KIAA0513: variants seen among roughly 807,000 people sequenced by gnomAD.
The protein encoded by KIAA0513 is KIAA0513, also known as uncharacterized protein KIAA0513.
In KIAA0513, 39 loss-of-function variants were observed where a neutral mutation model predicts 56.5. That is an observed-to-expected ratio of 0.69 (90% confidence interval 0.53 to 0.90). The LOEUF is 0.90. Among genes scored for constraint, KIAA0513 ranks in the 40% least tolerant of loss-of-function variants. The pLI, the probability that KIAA0513 is intolerant of heterozygous loss-of-function variation, is 0.00. For missense variants in KIAA0513, 591 were observed against 535.2 expected (o/e 1.10, Z -1.03); for synonymous variants, 268 against 215.6 (o/e 1.24, Z -2.13).
At chr16:85,047,306 A>G (rs543352971) in intron 1 of KIAA0513, among the ~76,000 whole-genome samples, 2 of 152,306 alleles carry the variant, frequency 1.3e-5, no homozygotes, top group East Asian at 3.9e-4. Flanking sequence ...GGCTGAGCCC[A>G]GGAGCTCGTA....
At chr16:85,074,342 A>G (rs1341136385) in intron 4 of KIAA0513, among the ~76,000 whole-genome samples, 1 of 121,718 alleles carries the variant, frequency 8.2e-6, no homozygotes, top group Non-Finnish European at 1.8e-5. Flanking sequence ...ATATACACAC[A>G]TACACACACA....
At position 85,081,386 on chromosome 16, in the gene KIAA0513, C is replaced by T; in HGVS notation, c.974C>T (p.Thr325Ile). The change falls in exon 9 of 13, where the codon ACT (threonine) becomes ATT (isoleucine). Residue 325 changes from threonine (T) to isoleucine (I), a missense_variant. Physicochemically the swap from Thr to Ile is moderately conservative, Grantham distance 89. Transcript: ENST00000683363. This position sits in a 1 kb window ranked among gnomAD's most constrained non-coding sequence, Gnocchi z 4.4. Reference sequence around the variant, plus strand: ...TGTGAGAGGACAAAGCGATCTCCCACTACCAGGTAGGAGCAAAGTGTGGCC... The same window carrying T: ...TGTGAGAGGACAAAGCGATCTCCCATTACCAGGTAGGAGCAAAGTGTGGCC... ...VHCERTKRSP[T>I]TRGDAGEEEE... 1 of 1,565,264 alleles carries T rather than the reference C, an allele frequency of 6.4e-7. No individual in the cohort carries two copies. Among genetic ancestry groups the T allele is most frequent in the Admixed American group, 1.9e-5 (1 of 52,688 alleles).
intron 8 of KIAA0513, among the ~76,000 whole-genome samples, chr16:85,080,733 C>T (rs2073731180): frequency 6.6e-6 from 1 of 152,202 alleles, no homozygotes; most frequent in South Asian, 2.1e-4. Flanking sequence ...GCAGAGGTTG[C>T]AGTGAGCCGA....
At chr16:85,087,406 A>G (rs1325627602) in intron 12 of KIAA0513, among the ~76,000 whole-genome samples, 1 of 152,204 alleles carries the variant, frequency 6.6e-6, no homozygotes, top group African/African-American at 2.4e-5. Flanking sequence ...CATTGGGGCC[A>G]TAGCCTGGGT....
intron 1 of KIAA0513, among the ~76,000 whole-genome samples, chr16:85,062,026 C>G (rs1354613696): frequency 6.6e-6 from 1 of 152,142 alleles, no homozygotes; most frequent in East Asian, 1.9e-4. Context: ...CTGGTTCTCC[C>G]TCTTTCCATC....
chr16:85,069,021 G>A (rs2073532121), intron 2 of KIAA0513, among the ~76,000 whole-genome samples: 1 of 151,978 alleles, frequency 6.6e-6, no homozygotes, highest in African/African-American at 2.4e-5. Flanking sequence ...ATACTGGTGT[G>A]CTCATAAGGA....
At chr16:85,050,031 G>A (rs1028869463) in intron 1 of KIAA0513, among the ~76,000 whole-genome samples, 5 of 152,144 alleles carry the variant, frequency 3.3e-5, no homozygotes, top group African/African-American at 1.2e-4. Flanking sequence ...AGTACAGCCC[G>A]TCACCCAGGG....
intron 2 of KIAA0513, among the ~76,000 whole-genome samples, chr16:85,070,236 G>A (rs2073553138): frequency 6.6e-6 from 1 of 151,710 alleles, no homozygotes; most frequent in Admixed American, 6.6e-5. Context: ...TGTTTCCACC[G>A]TGATTTGAGT....
At chr16:85,053,387 G>T (rs2073282207) in intron 1 of KIAA0513, among the ~76,000 whole-genome samples, 1 of 152,200 alleles carries the variant, frequency 6.6e-6, no homozygotes, top group Non-Finnish European at 1.5e-5. Flanking sequence ...TCTCGATTGT[G>T]TCATTCTGTA....
chr16:85,046,745 A>T (rs1439202493), intron 1 of KIAA0513, among the ~76,000 whole-genome samples: 1 of 152,080 alleles, frequency 6.6e-6, no homozygotes, highest in Non-Finnish European at 1.5e-5. Flanking sequence ...GGGTTTTTAC[A>T]ATTTCAGTTA....
In KIAA0513 at chr16:85,089,648, C is replaced by T. The variant is rs1357472731; in HGVS notation, c.*1323C>T. On this transcript the variant is annotated 3_prime_UTR_variant, in exon 13 of 13. Coordinates refer to ENST00000683363, the MANE Select transcript of KIAA0513 (RefSeq NM_001388359.1). This position sits in a 1 kb window ranked among gnomAD's most constrained non-coding sequence, Gnocchi z 4.2. ...ATAGGCCCGCGGGGCTCTCCCTCCT[C>T]CTGCCATCCTCCCCTCCCGCCCTTC... 2 of 152,604 alleles carry T rather than the reference C, an allele frequency of 1.3e-5. No individual in the cohort carries two copies. Among genetic ancestry groups the T allele is most frequent in the African/African-American group, 4.8e-5 (2 of 41,456 alleles). The allele number at this position is 152,604 out of a possible 1,614,324, so 9.5% of individuals were successfully genotyped here. A position where few individuals can be genotyped will look rare whatever the true frequency, so the allele number is the denominator to read the frequency against.
At chr16:85,046,303 C>T (rs2073170525) in intron 1 of KIAA0513, among the ~76,000 whole-genome samples, 1 of 152,166 alleles carries the variant, frequency 6.6e-6, no homozygotes, top group African/African-American at 2.4e-5. Flanking sequence ...TCTTACCTAA[C>T]CTGGAGTGCT....
intron 2 of KIAA0513, among the ~76,000 whole-genome samples, 181 bp downstream of exon 2, chr16:85,067,581 C>T (rs190582614): frequency 5.3e-5 from 8 of 152,274 alleles, no homozygotes; most frequent in African/African-American, 1.7e-4. Flanking sequence ...TGCAGAGCCA[C>T]GTGGAGAACT....
chr16:85,064,820 G>A (rs1363971730), intron 1 of KIAA0513, among the ~76,000 whole-genome samples: 1 of 152,108 alleles, frequency 6.6e-6, no homozygotes, highest in East Asian at 1.9e-4. Flanking sequence ...TGAGTAGCTG[G>A]ATTACAGGCA....
chr16:85,072,714 G>C (rs1300930198), intron 3 of KIAA0513, among the ~76,000 whole-genome samples: 1 of 152,208 alleles, frequency 6.6e-6, no homozygotes, highest in African/African-American at 2.4e-5. Flanking sequence ...ACCCCTGCAT[G>C]TGCCCTGCCC....
chr16:85,093,135 GGTGTCTCTAGCCTGCAGA>G lies in KIAA0513; in HGVS notation c.*4814_*4831del, dbSNP rs1468940383. The G allele has an allele frequency of 6.6e-6, 1 of 152,292 alleles. No homozygotes were observed. The highest frequency in any genetic ancestry group is 1.5e-5 in the Non-Finnish European group (1 of 68,138). 9.4% of individuals were successfully genotyped at this position (152,292 alleles called of 1,614,324 possible). A position where few individuals can be genotyped will look rare whatever the true frequency, so the allele number is the denominator to read the frequency against. Reference sequence around the variant, plus strand: ...GCTGGCAAGGGATTGGGTTTGTGTGGGTGTCTCTAGCCTGCAGAGTGCAGTGAGTGAGAGTCCTTGGGA... The same window carrying G: ...GCTGGCAAGGGATTGGGTTTGTGTGGGTGCAGTGAGTGAGAGTCCTTGGGA... On this transcript the variant is annotated 3_prime_UTR_variant, in exon 13 of 13. Coordinates refer to ENST00000683363, the MANE Select transcript of KIAA0513 (RefSeq NM_001388359.1).
At chr16:85,043,761 G>A (rs558853946) in intron 1 of KIAA0513, among the ~76,000 whole-genome samples, 11 of 152,120 alleles carry the variant, frequency 7.2e-5, no homozygotes, top group South Asian at 2.1e-4. Flanking sequence ...GTCCGGACGC[G>A]GTGGCCCACG....
intron 1 of KIAA0513, among the ~76,000 whole-genome samples, chr16:85,033,867 C>G (rs573457425): frequency 1.8e-4 from 28 of 152,304 alleles, no homozygotes; most frequent in Non-Finnish European, 3.5e-4. Context: ...TAGTTTGTCT[C>G]TCCCTGCCCC....
chr16:85,040,652 C>T (rs2073093200), intron 1 of KIAA0513, among the ~76,000 whole-genome samples: 2 of 152,314 alleles, frequency 1.3e-5, no homozygotes, highest in Admixed American at 1.3e-4. Flanking sequence ...ACGCAGGCCC[C>T]ATCTTTTCAT....
Sources: gnomAD v4.1 joint callset for allele counts (sites outside exome capture counted in the v4.1 genomes callset) on GRCh38, gnomAD v4.1.1 for gene constraint, Gnocchi (gnomAD v3.1) non-coding constraint, MANE v1.5 for transcripts, NCBI Gene and HGNC (gene_info 2026-07-23, HGNC 2026-07-21) for gene names.